Variants in NCALD observed in about 807,000 individuals in gnomAD.
NCALD encodes the protein neurocalcin-delta.
NCALD carries 10 observed loss-of-function variants against 18.6 expected under a neutral mutation model. The ratio of observed to expected loss-of-function variants is 0.54; its 90% CI spans 0.33 to 0.91. The LOEUF is 0.91. Among genes scored for constraint, NCALD ranks in the 40% least tolerant of loss-of-function variants. NCALD has a pLI of 0.03. For missense variants in NCALD, 184 were observed against 247.6 expected (o/e 0.74, Z 1.72); for synonymous variants, 88 against 87.4 (o/e 1.01, Z -0.04).
chr8:101,830,673 G>C (rs1015251228), intron 4 of NCALD, among the ~76,000 whole-genome samples: 1 of 152,036 alleles, frequency 6.6e-6, no homozygotes, highest in Non-Finnish European at 1.5e-5. Context: ...GGGCTCCACT[G>C]CCTTTGGGGT....
intron 2 of NCALD, among the ~76,000 whole-genome samples, chr8:101,957,299 T>TTTTG (rs1225667810): frequency 6.9e-6 from 1 of 144,918 alleles, no homozygotes; most frequent in Non-Finnish European, 1.5e-5. Context: ...GTTTTTTTTT[T>TTTTG]TTTTTTTTTT....
intron 3 of NCALD, among the ~76,000 whole-genome samples, chr8:101,906,411 C>T (rs918934151): frequency 6.6e-6 from 1 of 152,164 alleles, no homozygotes; most frequent in Non-Finnish European, 1.5e-5. Context: ...ATATTTTTGG[C>T]TTTGCATACC....
intron 1 of NCALD, among the ~76,000 whole-genome samples, chr8:101,784,522 T>A (rs1812145109): frequency 6.6e-6 from 1 of 152,134 alleles, no homozygotes; most frequent in Non-Finnish European, 1.5e-5. Flanking sequence ...CATATGGTAA[T>A]GCAGTGGCTC....
At chr8:101,693,403 G>A (rs71518837) in intron 2 of NCALD, 4,406 of 135,710 alleles carry the variant, frequency 0.032, 104 homozygotes, top group Middle Eastern at 0.075. Context: ...GAACTCCTGG[G>A]CTCAAGCTTC....
At chr8:101,787,192 C>A (rs1328651751) in intron 1 of NCALD, among the ~76,000 whole-genome samples, 10 of 152,118 alleles carry the variant, frequency 6.6e-5, no homozygotes, top group Non-Finnish European at 1.5e-5. Flanking sequence ...GTTTCAAACA[C>A]CTGGCTTGAG....
intron 1 of NCALD, among the ~76,000 whole-genome samples, chr8:101,761,392 T>C (rs2130834398): frequency 6.6e-6 from 1 of 152,290 alleles, no homozygotes; most frequent in East Asian, 1.9e-4. Context: ...ATGAAGGGCG[T>C]GTGAGCATGG....
chr8:101,993,142 C>G (rs2131991609), intron 2 of NCALD, among the ~76,000 whole-genome samples: 1 of 147,894 alleles, frequency 6.8e-6, no homozygotes, highest in Admixed American at 6.8e-5. Flanking sequence ...CAAGCTCACT[C>G]TACAGGAAAA....
intron 1 of NCALD, among the ~76,000 whole-genome samples, chr8:102,022,750 C>T (rs1251869294): frequency 6.6e-6 from 1 of 152,090 alleles, no homozygotes; most frequent in Non-Finnish European, 1.5e-5. Context: ...CACATCCAGA[C>T]CAAAAACCAT....
At chr8:101,967,247 TG>T (rs2131878144) in intron 2 of NCALD, among the ~76,000 whole-genome samples, 1 of 152,286 alleles carries the variant, frequency 6.6e-6, no homozygotes, top group South Asian at 2.1e-4. Flanking sequence ...CAACGGAAGT[TG>T]CCAAGGAAGT....
At chr8:101,938,436 G>T (rs1294604506) in intron 2 of NCALD, among the ~76,000 whole-genome samples, 1 of 152,178 alleles carries the variant, frequency 6.6e-6, no homozygotes, top group Non-Finnish European at 1.5e-5. Context: ...TGTGAATCCA[G>T]ACAGTCTGAC....
chr8:101,825,128 G>A (rs1033606685), intron 4 of NCALD, among the ~76,000 whole-genome samples: 44 of 152,164 alleles, frequency 2.9e-4, no homozygotes, highest in African/African-American at 8.9e-4. Flanking sequence ...ACAGGTCACC[G>A]CTGTCTTCAA....
chr8:101,805,218 A>T (rs1486894657), intron 4 of NCALD, among the ~76,000 whole-genome samples: 1 of 152,220 alleles, frequency 6.6e-6, no homozygotes, highest in Non-Finnish European at 1.5e-5. Context: ...TTGAATTAAG[A>T]TCCAGTTCCT....
At chr8:102,003,558 C>A (rs575282369) in intron 2 of NCALD, among the ~76,000 whole-genome samples, 3 of 152,302 alleles carry the variant, frequency 2.0e-5, no homozygotes, top group South Asian at 2.1e-4. Context: ...GATACCAAAG[C>A]CTGGCAGAGA....
chr8:101,745,082 G>A (rs976315988), intron 1 of NCALD, among the ~76,000 whole-genome samples: 1 of 151,696 alleles, frequency 6.6e-6, no homozygotes, highest in Non-Finnish European at 1.5e-5. Flanking sequence ...GAACGTCCTT[G>A]ATAAAGCAGT....
At chr8:102,018,029 G>A (rs1227306195) in intron 2 of NCALD, among the ~76,000 whole-genome samples, 3 of 152,246 alleles carry the variant, frequency 2.0e-5, no homozygotes, top group East Asian at 1.9e-4. Flanking sequence ...TTAAAGCTAC[G>A]ATGAGATAAT....
intron 1 of NCALD, among the ~76,000 whole-genome samples, chr8:101,751,765 A>G (rs1810669953): frequency 6.6e-6 from 1 of 152,192 alleles, no homozygotes; most frequent in Non-Finnish European, 1.5e-5. Context: ...TGGACTCCAC[A>G]GTGATTTCTG....
At chr8:101,786,292 G>C (rs1229166268) in intron 1 of NCALD, among the ~76,000 whole-genome samples, 1 of 152,180 alleles carries the variant, frequency 6.6e-6, no homozygotes, top group Non-Finnish European at 1.5e-5. Context: ...AAAGGCCCTT[G>C]GGTTCTCTAT....
chr8:102,104,999 G>A (rs1825400386), intron 1 of NCALD, among the ~76,000 whole-genome samples: 1 of 152,172 alleles, frequency 6.6e-6, no homozygotes, highest in Admixed American at 6.5e-5. Context: ...GCTTCTGATG[G>A]TATCTCGATA....
chr8:101,709,195 C>T (rs914513466), intron 2 of NCALD, among the ~76,000 whole-genome samples: 18 of 152,166 alleles, frequency 1.2e-4, no homozygotes, highest in Non-Finnish European at 2.1e-4. Context: ...ACTTTGGGTA[C>T]GCCCTACGTA....
Sources: gnomAD v4.1 joint callset for allele counts (sites outside exome capture counted in the v4.1 genomes callset) on GRCh38, gnomAD v4.1.1 for gene constraint, MANE v1.5 for transcripts, NCBI Gene and HGNC (gene_info 2026-07-23, HGNC 2026-07-21) for gene names.